The following AGBL1 variants were observed in gnomAD, a reference collection of about 807,000 sequenced individuals.
The protein encoded by AGBL1 is cytosolic carboxypeptidase 4.
In AGBL1, 130 loss-of-function variants were observed where a neutral mutation model predicts 118.9. That is an observed-to-expected ratio of 1.09 (90% confidence interval 0.95 to 1.26). The LOEUF (loss-of-function observed/expected upper bound fraction) is 1.26, where lower values mean the gene tolerates loss of function less well. Among genes scored for constraint, AGBL1 ranks in the 50% most tolerant of loss-of-function variants. The pLI is 0.00. For missense variants in AGBL1, 1,584 were observed against 1,298.1 expected, an observed-to-expected ratio of 1.22 and a Z score of -3.38; for synonymous variants, 555 against 478.9, an observed-to-expected ratio of 1.16 and a Z score of -2.08.
In AGBL1 at chr15:86,722,512, T is replaced by A. The variant is rs569896117; in HGVS notation, c.3158+48076T>A. On this transcript the variant is annotated intron_variant, in intron 22 of 22. Coordinates refer to ENST00000614907, the MANE Select transcript of AGBL1 (RefSeq NM_001386094.1). ...ACCTTATACAAAAATTAATTCAAGA[T>A]GGATTAAAGACTTAAATGTTAGACC... Among the ~76,000 whole-genome samples the A allele has an allele frequency of 1.2e-3, 184 of 152,236 alleles. 4 individuals carry two copies. The East Asian group carries it at 0.033, about 27-fold the overall frequency.
At chr15:86,481,114 T>C (rs2082645621) in intron 18 of AGBL1, among the ~76,000 whole-genome samples, 1 of 142,992 alleles carries the variant, frequency 7.0e-6, no homozygotes, top group South Asian at 2.2e-4. Flanking sequence ...AACATAACAG[T>C]TGAAGGACAA....
intron 22 of AGBL1, among the ~76,000 whole-genome samples, chr15:86,721,870 A>T (rs764267945): frequency 6.6e-5 from 10 of 152,236 alleles, no homozygotes; most frequent in Non-Finnish European, 1.0e-4. Flanking sequence ...TAACAGATCA[A>T]CAGAGAGCCA....
chr15:86,716,826 A>T (rs952591717), intron 22 of AGBL1, among the ~76,000 whole-genome samples: 14 of 152,220 alleles, frequency 9.2e-5, no homozygotes, highest in Non-Finnish European at 1.6e-4. Context: ...GGGAATCCAA[A>T]TGAGGTGGGG....
In AGBL1 at chr15:87,004,951, C is replaced by T. The variant is rs139149490; in HGVS notation, c.3323+16863C>T. 5.3e-5 allele frequency among the ~76,000 whole-genome samples: 8 copies of T among 152,088 alleles called. No individual in the cohort carries two copies. In the East Asian group the frequency reaches 1.5e-3, roughly 29 times the overall value. The stretch of plus-strand genomic sequence containing the variant: ...TTTTATTTCTCCTTTACTTATGAAG[C>T]TTAGTTTGGCTGGATATGAAATTCT... On this transcript the variant is annotated intron_variant, in intron 24 of 24. Coordinates refer to the AGBL1 transcript ENST00000441037.
chr15:86,799,469 T>C (rs2141345872), intron 22 of AGBL1, among the ~76,000 whole-genome samples: 1 of 152,294 alleles, frequency 6.6e-6, no homozygotes, highest in South Asian at 2.1e-4. Flanking sequence ...TAACATTCTC[T>C]TCTTTACATG....
intron 17 of AGBL1, among the ~76,000 whole-genome samples, chr15:86,373,432 G>T (rs951075218): frequency 3.9e-5 from 6 of 152,166 alleles, no homozygotes; most frequent in African/African-American, 1.4e-4. Context: ...ATCATAGAAG[G>T]CTTGCTCTAA....
chr15:86,288,637 T>G (rs1407368621), intron 16 of AGBL1, among the ~76,000 whole-genome samples: 1 of 152,174 alleles, frequency 6.6e-6, no homozygotes, highest in Non-Finnish European at 1.5e-5. Context: ...GCTCTATGTA[T>G]GATCAATTAT....
chr15:86,322,272 A>G (rs139915049), intron 17 of AGBL1, among the ~76,000 whole-genome samples: 213 of 152,078 alleles, frequency 1.4e-3, no homozygotes, highest in African/African-American at 4.9e-3. Context: ...CACTACAACA[A>G]GAGATTTGAT....
At chr15:86,169,430 C>T (rs1258337572) in intron 5 of AGBL1, among the ~76,000 whole-genome samples, 1 of 152,132 alleles carries the variant, frequency 6.6e-6, no homozygotes, top group Non-Finnish European at 1.5e-5. Flanking sequence ...ACTCATGGGA[C>T]ATTGGATAAA....
At chr15:86,475,223 A>G (rs777123494) in intron 18 of AGBL1, among the ~76,000 whole-genome samples, 3 of 152,228 alleles carry the variant, frequency 2.0e-5, no homozygotes, top group Admixed American at 2.0e-4. Context: ...AGATGGACAG[A>G]GAATGACTTT....
intron 22 of AGBL1, among the ~76,000 whole-genome samples, chr15:86,897,802 C>G (rs1331435457): frequency 1.7e-5 from 2 of 120,394 alleles, no homozygotes; most frequent in South Asian, 2.9e-4. Context: ...CAGGGAATCA[C>G]TCTGTCACCC....
intron 22 of AGBL1, among the ~76,000 whole-genome samples, chr15:86,727,582 T>C (rs530081380): frequency 3.9e-5 from 6 of 152,202 alleles, no homozygotes. Flanking sequence ...GCTTTCAGCT[T>C]CATTATCTTT....
At chr15:86,347,825 A>G (rs1259683179) in intron 17 of AGBL1, among the ~76,000 whole-genome samples, 2 of 152,248 alleles carry the variant, frequency 1.3e-5, no homozygotes, top group Admixed American at 6.5e-5. Flanking sequence ...AATGATATCT[A>G]TCAAATCACT....
At chr15:86,203,541 T>C (rs1228901349) in intron 5 of AGBL1, among the ~76,000 whole-genome samples, 6 of 152,210 alleles carry the variant, frequency 3.9e-5, no homozygotes, top group Non-Finnish European at 8.8e-5. Context: ...GAATTTTGAC[T>C]CACAGGCTTT....
intron 24 of AGBL1, among the ~76,000 whole-genome samples, chr15:86,997,818 T>C (rs1371184935): frequency 6.6e-6 from 1 of 151,678 alleles, no homozygotes; most frequent in Non-Finnish European, 1.5e-5. Context: ...TGTGCATTCT[T>C]TCATGAGAGG....
intron 7 of AGBL1, among the ~76,000 whole-genome samples, chr15:86,249,622 C>G (rs753254210): frequency 1.3e-5 from 2 of 152,154 alleles, no homozygotes; most frequent in Non-Finnish European, 2.9e-5. Context: ...CTAATCCCTC[C>G]CAGTCCTTGT....
chr15:86,502,303 C>T (rs535638429), intron 18 of AGBL1, among the ~76,000 whole-genome samples: 4 of 151,556 alleles, frequency 2.6e-5, no homozygotes, highest in Non-Finnish European at 4.4e-5. Context: ...TGGAAACTTG[C>T]TGAACTAGTT....
intron 22 of AGBL1, among the ~76,000 whole-genome samples, chr15:86,779,805 A>T (rs912129314): frequency 6.6e-6 from 1 of 152,108 alleles, no homozygotes; most frequent in African/African-American, 2.4e-5. Context: ...ATATTTTATT[A>T]ACCATTTGAG....
chr15:86,921,579 A>G (rs1407523787), intron 23 of AGBL1, among the ~76,000 whole-genome samples: 1 of 152,166 alleles, frequency 6.6e-6, no homozygotes, highest in Non-Finnish European at 1.5e-5. Context: ...AAGAAACTCA[A>G]TATTTTCTTT....
Sources: allele counts gnomAD v4.1 joint callset (sites outside exome capture counted in the v4.1 genomes callset), GRCh38; gene constraint gnomAD v4.1.1; transcripts MANE v1.5; gene names NCBI Gene and HGNC (gene_info 2026-07-23, HGNC 2026-07-21).